The following ZDHHC5 variants were observed in gnomAD, a reference collection of about 807,000 sequenced individuals.
ZDHHC5 encodes the protein zDHHC palmitoyltransferase 5.
In ZDHHC5, 22 loss-of-function variants were observed where a neutral mutation model predicts 70.0. The ratio of observed to expected loss-of-function variants is 0.31; its 90% CI spans 0.22 to 0.45. ZDHHC5 has a LOEUF of 0.45. Among genes scored for constraint, ZDHHC5 ranks in the 20% least tolerant of loss-of-function variants. The pLI, the probability that ZDHHC5 is intolerant of heterozygous loss-of-function variation, is 1.00. For missense variants in ZDHHC5, 746 were observed against 926.9 expected (o/e 0.80, Z 2.53); for synonymous variants, 313 against 347.8 (o/e 0.90, Z 1.11).
intron 1 of ZDHHC5, among the ~76,000 whole-genome samples, 182 bp from the exon 2 acceptor site, chr11:57,671,839 G>C (rs527814730): frequency 2.0e-5 from 3 of 152,304 alleles, no homozygotes; most frequent in African/African-American, 7.2e-5. Context: ...CAGAGCAAAG[G>C]ATTCTCAAGT....
At position 57,672,148 on chromosome 11, in the gene ZDHHC5, G is replaced by A. The variant is rs1425979579; in HGVS notation, c.-943G>A. 2.5e-6 allele frequency: 1 copy of A among 397,904 alleles called. No individual in the cohort carries two copies. The highest frequency in any genetic ancestry group is 4.4e-6 in the Non-Finnish European group (1 of 225,876). The allele number at this position is 397,904 out of a possible 1,614,324, so 24.6% of individuals were successfully genotyped here. On this transcript the variant is annotated 5_prime_UTR_variant, in exon 2 of 12. Coordinates refer to ENST00000287169, the MANE Select transcript of ZDHHC5 (RefSeq NM_015457.3). ...TCGTTTTCATCCACAGTAAACTTTT[G>A]AAGTGTCATCAATTGGAATTGATTT...
At chr11:57,684,504 C>T (rs959726093) in intron 3 of ZDHHC5, among the ~76,000 whole-genome samples, 1 of 151,696 alleles carries the variant, frequency 6.6e-6, no homozygotes, top group Non-Finnish European at 1.5e-5. Flanking sequence ...AGAATTGCTA[C>T]GGGAGGAGAG....
intron 2 of ZDHHC5, among the ~76,000 whole-genome samples, chr11:57,676,080 T>G (rs553441735): frequency 1.3e-5 from 2 of 152,258 alleles, no homozygotes; most frequent in African/African-American, 2.4e-5. Flanking sequence ...GAGAGTCCCT[T>G]TCAGGTAACA....
chr11:57,670,891 A>G (rs1404629356), intron 1 of ZDHHC5, among the ~76,000 whole-genome samples: 2 of 150,196 alleles, frequency 1.3e-5, no homozygotes, highest in African/African-American at 2.5e-5. Flanking sequence ...GCTCACTGCA[A>G]CCTCCGCCTC....
intron 2 of ZDHHC5, among the ~76,000 whole-genome samples, chr11:57,680,364 G>A (rs1447557271): frequency 1.3e-5 from 2 of 152,150 alleles, no homozygotes; most frequent in African/African-American, 2.4e-5. Flanking sequence ...GCAAGAGAGC[G>A]AGACCCTGTC....
At position 57,692,632 on chromosome 11, in the gene ZDHHC5, G is replaced by GGT; in HGVS notation, c.686_687dup (p.Asn230Ter). On this transcript the variant is annotated frameshift_variant, in exon 7 of 12. Transcript: ENST00000287169. LOFTEE classifies it high-confidence loss of function. ...CTAGGTTACGGGTAAATTCCGGGGA[G>GGT]GTGTGAACCCCTTCACCAATGGCTG... 6.2e-7 allele frequency: 1 copy of GGT among 1,614,126 alleles called. No individual in the cohort carries two copies.
intron 9 of ZDHHC5, 68 bp from the exon 10 acceptor site, chr11:57,696,693 T>A (rs1200468036): frequency 7.9e-6 from 11 of 1,396,716 alleles, no homozygotes; most frequent in South Asian, 2.4e-5. Flanking sequence ...GACAGTAGAG[T>A]GAGACCCTGT....
chr11:57,674,923 G>A (rs12279926), intron 2 of ZDHHC5, among the ~76,000 whole-genome samples: 4,182 of 152,224 alleles, frequency 0.027, 198 homozygotes, highest in African/African-American at 0.096. Flanking sequence ...TAGAGACAGT[G>A]CTGCTTTTCT....
At chr11:57,669,372 A>C (rs1945972271) in intron 1 of ZDHHC5, among the ~76,000 whole-genome samples, 1 of 152,210 alleles carries the variant, frequency 6.6e-6, no homozygotes, top group Non-Finnish European at 1.5e-5. Context: ...AAAGCCTTCA[A>C]ACCACATATC....
chr11:57,689,797 C>T (rs1475428347), intron 4 of ZDHHC5, among the ~76,000 whole-genome samples: 1 of 152,050 alleles, frequency 6.6e-6, no homozygotes, highest in African/African-American at 2.4e-5. Flanking sequence ...AAGCCCCAGC[C>T]CCCCAAGTAG....
rs1454537251 is a variant in ZDHHC5, at chr11:57,672,030, A to G, written c.-1061A>G. The G allele has an allele frequency of 1.8e-5, 7 of 388,548 alleles. No individual in the cohort carries two copies. The highest frequency in any genetic ancestry group is 1.0e-4 in the African/African-American group (5 of 48,450). 24.1% of individuals were successfully genotyped at this position (388,548 alleles called of 1,614,324 possible). A position where few individuals can be genotyped will look rare whatever the true frequency, so the allele number is the denominator to read the frequency against. Reference sequence around the variant, plus strand: ...ACTTGTTTTTCTCCAGGTGAGACACAGTAACCTGGTTGAACTCTGCATCTG... The same window carrying G: ...ACTTGTTTTTCTCCAGGTGAGACACGGTAACCTGGTTGAACTCTGCATCTG... On this transcript the variant is annotated 5_prime_UTR_variant, in exon 2 of 12. Transcript: ENST00000287169.
Position 57,699,989 on chromosome 11 carries a change from G to C in ZDHHC5, c.2106G>C (p.Lys702Asn). The C allele has an allele frequency of 6.2e-7, 1 of 1,610,184 alleles. No homozygotes were observed. Among genetic ancestry groups the C allele is most frequent in the Non-Finnish European group, 8.5e-7 (1 of 1,178,358 alleles). Residue 702 changes from lysine (K) to asparagine (N), a missense_variant, in exon 12 of 12, where the codon AAG becomes AAC. By Grantham distance (94) the Lys-to-Asn change is moderately conservative (BLOSUM62 0). Transcript: ENST00000287169. ...GCCCCACGAGGGGAGGAGTCAAGAAGGTGTCAGGGGTTGGTGGTACCACCT... is the reference window on the plus strand; with the variant it reads ...GCCCCACGAGGGGAGGAGTCAAGAACGTGTCAGGGGTTGGTGGTACCACCT... Reference protein sequence around the residue: ...LSSPTRGGVKKVSGVGGTTYE... With the variant: ...LSSPTRGGVKNVSGVGGTTYE...
chr11:57,687,286 T>C (rs1163474734), intron 3 of ZDHHC5, among the ~76,000 whole-genome samples: 1 of 151,556 alleles, frequency 6.6e-6, no homozygotes, highest in African/African-American at 2.4e-5. Flanking sequence ...ATAATAAAAA[T>C]TGCTCTGGGT....
Position 57,699,421 on chromosome 11 carries a change from A to G in ZDHHC5, c.1982+3A>G. On this transcript the variant is annotated splice_donor_region_variant and intron_variant, in intron 11 of 11. Transcript: ENST00000287169. Reference sequence around the variant, plus strand: ...TTGCAGCCATTACTGACACCCAAGTAAGTATTAGTACTATCCTGACCCTTA... The same window carrying G: ...TTGCAGCCATTACTGACACCCAAGTGAGTATTAGTACTATCCTGACCCTTA... 6.4e-7 allele frequency: 1 copy of G among 1,563,002 alleles called. No homozygotes were observed.
intron 2 of ZDHHC5, 85 bp from the exon 3 acceptor site, chr11:57,682,337 G>A: frequency 1.3e-6 from 2 of 1,504,328 alleles, no homozygotes; most frequent in Non-Finnish European, 1.8e-6. Context: ...ATAGGTAAGG[G>A]GCTAAGTCTT....
At chr11:57,682,356 T>G (rs1296502148) in intron 2 of ZDHHC5, 66 bp from the exon 3 acceptor site, 1 of 1,537,378 alleles carries the variant, frequency 6.5e-7, no homozygotes, top group Non-Finnish European at 8.8e-7. Flanking sequence ...TTTACAGATT[T>G]TTGTATGTAT....
intron 2 of ZDHHC5, among the ~76,000 whole-genome samples, 182 bp downstream of exon 2, chr11:57,673,376 G>A (rs970525327): frequency 1.3e-5 from 2 of 152,166 alleles, no homozygotes; most frequent in African/African-American, 4.8e-5. Flanking sequence ...TTTCAGTCGT[G>A]TTATCAGTTT....
At chr11:57,673,840 G>A (rs1204977693) in intron 2 of ZDHHC5, among the ~76,000 whole-genome samples, 2 of 152,164 alleles carry the variant, frequency 1.3e-5, no homozygotes, top group Non-Finnish European at 2.9e-5. Flanking sequence ...CCAAAGTGCT[G>A]GGATTACAGG....
At chr11:57,681,384 C>T (rs1176901726) in intron 2 of ZDHHC5, 1 of 152,242 alleles carries the variant, frequency 6.6e-6, no homozygotes, top group Non-Finnish European at 1.5e-5. Flanking sequence ...AGGACAGATG[C>T]TGTCCTCATT....
Sources: gnomAD v4.1 joint callset for allele counts (sites outside exome capture counted in the v4.1 genomes callset) on GRCh38, gnomAD v4.1.1 for gene constraint, MANE v1.5 for transcripts, NCBI Gene and HGNC (gene_info 2026-07-23, HGNC 2026-07-21) for gene names.